The following GREB1L variants were observed in gnomAD, a reference collection of about 807,000 sequenced individuals.
GREB1L encodes the protein GREB1-like protein.
GREB1L carries 17 observed loss-of-function variants against 200.8 expected under a neutral mutation model. That is an observed-to-expected ratio of 0.08 (90% CI 0.06 to 0.13). GREB1L has a LOEUF of 0.13. Ranked by LOEUF, GREB1L falls within the 10% of genes least tolerant of loss-of-function variation. The pLI, the probability that GREB1L is intolerant of heterozygous loss-of-function variation, is 1.00. For missense variants in GREB1L, 1,657 were observed against 2,367.7 expected, an observed-to-expected ratio of 0.70 and a Z score of 6.23; for synonymous variants, 789 against 893.0, an observed-to-expected ratio of 0.88 and a Z score of 2.08.
intron 1 of GREB1L, among the ~76,000 whole-genome samples, chr18:21,327,800 C>T (rs537648094): frequency 6.6e-6 from 1 of 152,122 alleles, no homozygotes; most frequent in African/African-American, 2.4e-5. Context: ...GCAAGCTCTG[C>T]CTCCCGGGTT....
chr18:21,355,608 A>G (rs2039492060), intron 1 of GREB1L, among the ~76,000 whole-genome samples: 1 of 152,188 alleles, frequency 6.6e-6, no homozygotes, highest in Non-Finnish European at 1.5e-5. Flanking sequence ...GAACACTAAC[A>G]TTTAGGAAAT....
At chr18:21,246,317 A>G (rs2143849532) in intron 1 of GREB1L, among the ~76,000 whole-genome samples, 1 of 152,272 alleles carries the variant, frequency 6.6e-6, no homozygotes, top group South Asian at 2.1e-4. Context: ...GTTAGCTCTT[A>G]TTTTTATTAG....
At chr18:21,400,281 C>T (rs1425178876) in intron 5 of GREB1L, among the ~76,000 whole-genome samples, 3 of 151,710 alleles carry the variant, frequency 2.0e-5, no homozygotes, top group African/African-American at 7.3e-5. Context: ...GTCCCCTGTT[C>T]CAACCAGGTC....
chr18:21,406,011 G>T (rs2030171898), intron 7 of GREB1L, among the ~76,000 whole-genome samples: 1 of 141,376 alleles, frequency 7.1e-6, no homozygotes, highest in Admixed American at 7.5e-5. Flanking sequence ...AGTGAGCTGA[G>T]ATACCACCAC....
chr18:21,438,071 AG>A (rs1181997808), intron 7 of GREB1L, among the ~76,000 whole-genome samples: 1 of 152,072 alleles, frequency 6.6e-6, no homozygotes, highest in Non-Finnish European at 1.5e-5. Context: ...ACTTGAACCC[AG>A]GAGTCCAAGA....
intron 17 of GREB1L, 142 bp from the exon 18 acceptor site, chr18:21,485,478 G>T: frequency 1.5e-6 from 1 of 646,002 alleles, no homozygotes; most frequent in South Asian, 2.7e-5. Flanking sequence ...GTTGGTGTCG[G>T]GTTACATAAT....
At chr18:21,382,531 G>A (rs1423734452) in intron 2 of GREB1L, among the ~76,000 whole-genome samples, 3 of 143,244 alleles carry the variant, frequency 2.1e-5, no homozygotes, top group Admixed American at 7.2e-5. Context: ...TGCTCTTGTC[G>A]CCCAGGCTGG....
intron 1 of GREB1L, among the ~76,000 whole-genome samples, chr18:21,243,957 G>T (rs2037552931): frequency 6.6e-6 from 1 of 152,026 alleles, no homozygotes; most frequent in Admixed American, 6.6e-5. Context: ...TATATTTTTT[G>T]TATATCTTTC....
At chr18:21,453,845 G>A (rs141278570) in intron 14 of GREB1L, among the ~76,000 whole-genome samples, 5 of 152,216 alleles carry the variant, frequency 3.3e-5, no homozygotes, top group South Asian at 2.1e-4. Flanking sequence ...GGGAATTTCC[G>A]ACCATGTTGC....
intron 1 of GREB1L, among the ~76,000 whole-genome samples, chr18:21,290,755 G>A (rs574905283): frequency 6.6e-6 from 1 of 151,660 alleles, no homozygotes; most frequent in Non-Finnish European, 1.5e-5. Context: ...AACCTGGGAG[G>A]TGGAGGTTGC....
chr18:21,390,779 C>T (rs1274194464), intron 4 of GREB1L, among the ~76,000 whole-genome samples: 1 of 152,100 alleles, frequency 6.6e-6, no homozygotes, highest in Non-Finnish European at 1.5e-5. Flanking sequence ...TTGTGATCCA[C>T]CCGCCTTGGC....
chr18:21,479,148 C>G (rs2035821910), intron 17 of GREB1L, among the ~76,000 whole-genome samples: 1 of 152,092 alleles, frequency 6.6e-6, no homozygotes, highest in African/African-American at 2.4e-5. Context: ...TCTCAAAGTC[C>G]TGGAATTACA....
At position 21,449,529 on chromosome 18, in the gene GREB1L, C is replaced by T. The variant is rs2034412303; in HGVS notation, c.1413C>T (p.Leu471=). 1 of 1,545,710 alleles carries T rather than the reference C, an allele frequency of 6.5e-7. No homozygotes were observed. The highest frequency in any genetic ancestry group is 2.4e-5 in the East Asian group (1 of 40,874). ...ATATAGGTCCTGATCAGGTACCTCT[C>T]AGGGAAGAATTTGAGCAAATTATGC... The part of the protein sequence containing the change: ...LVRLGPDQVP[L]REEFEQIMLK... The change falls in exon 12 of 33, where the codon CTC becomes CTT. Residue 471 remains leucine (L), a synonymous_variant. Coordinates refer to ENST00000424526, the MANE Select transcript of GREB1L (RefSeq NM_001142966.3).
intron 7 of GREB1L, among the ~76,000 whole-genome samples, chr18:21,418,520 T>TGTTTG (rs1196516781): frequency 1.3e-5 from 2 of 152,128 alleles, no homozygotes; most frequent in African/African-American, 2.4e-5. Flanking sequence ...AAAATATTTT[T>TGTTTG]GTTTTGTTTT....
chr18:21,491,875 A>G (rs2036351775), intron 19 of GREB1L, among the ~76,000 whole-genome samples: 1 of 152,144 alleles, frequency 6.6e-6, no homozygotes, highest in Admixed American at 6.5e-5. Flanking sequence ...CTAAATTTAG[A>G]AGTTGTAACA....
At chr18:21,354,004 G>A (rs2039470878) in intron 1 of GREB1L, among the ~76,000 whole-genome samples, 1 of 152,046 alleles carries the variant, frequency 6.6e-6, no homozygotes, top group African/African-American at 2.4e-5. Context: ...GGCCAGGCTG[G>A]TCTTGAACTC....
chr18:21,516,879 T>TTG, intron 30 of GREB1L, 125 bp downstream of exon 30: 3 of 676,632 alleles, frequency 4.4e-6, no homozygotes, highest in Non-Finnish European at 6.5e-6. Context: ...ACAAGGGAGT[T>TTG]TTTTTTTTTT....
chr18:21,462,446 T>G (rs574627694), intron 15 of GREB1L, among the ~76,000 whole-genome samples: 1 of 152,306 alleles, frequency 6.6e-6, no homozygotes, highest in Admixed American at 6.5e-5. Context: ...TCGTTTTGTT[T>G]TGTTGTTTTG....
intron 3 of GREB1L, 61 bp from the exon 4 acceptor site, chr18:21,384,145 C>T: frequency 8.8e-7 from 1 of 1,132,102 alleles, no homozygotes; most frequent in Non-Finnish European, 1.3e-6. Flanking sequence ...TCTTTCAGAA[C>T]TGTGCATTTT....
Sources: gnomAD v4.1 joint callset for allele counts (sites outside exome capture counted in the v4.1 genomes callset) on GRCh38, gnomAD v4.1.1 for gene constraint, MANE v1.5 for transcripts, NCBI Gene and HGNC (gene_info 2026-07-23, HGNC 2026-07-21) for gene names.